POU6F2: variants seen among roughly 807,000 people sequenced by gnomAD.
The protein encoded by POU6F2 is POU domain, class 6, transcription factor 2.
Under a neutral mutation model 71.3 loss-of-function variants are expected in POU6F2, and 31 were observed. That is an observed-to-expected ratio of 0.43 (90% CI 0.33 to 0.59). The LOEUF (loss-of-function observed/expected upper bound fraction) is 0.59. Among genes scored for constraint, POU6F2 ranks in the 20% least tolerant of loss-of-function variants. POU6F2 has a pLI of 0.04. For synonymous variants in POU6F2, 347 were observed against 355.7 expected (o/e 0.98, Z 0.27); for missense variants, 783 against 856.8 (o/e 0.91, Z 1.07).
At chr7:39,398,199 C>A (rs1344693047) in intron 5 of POU6F2, among the ~76,000 whole-genome samples, 1 of 152,030 alleles carries the variant, frequency 6.6e-6, no homozygotes, top group Non-Finnish European at 1.5e-5. Context: ...GGATGCCTGG[C>A]ACTGTTGAAA....
intron 8 of POU6F2, among the ~76,000 whole-genome samples, chr7:39,452,736 A>G (rs1304319453): frequency 6.6e-6 from 1 of 152,264 alleles, no homozygotes; most frequent in East Asian, 1.9e-4. Context: ...CTGATAATTA[A>G]GGCAAGAAAG....
chr7:39,313,510 T>A (rs1785206249), intron 4 of POU6F2, among the ~76,000 whole-genome samples: 1 of 152,192 alleles, frequency 6.6e-6, no homozygotes, highest in Admixed American at 6.5e-5. Context: ...TGTTTTCTTT[T>A]TCTTTATTCC....
intron 4 of POU6F2, among the ~76,000 whole-genome samples, chr7:39,253,774 T>G (rs1783968918): frequency 6.6e-6 from 1 of 152,186 alleles, no homozygotes; most frequent in Non-Finnish European, 1.5e-5. Context: ...AAACTTCTAT[T>G]TTCTTTCTCG....
chr7:39,406,500 G>C (rs1787431680), intron 5 of POU6F2, 100 bp from the exon 6 acceptor site: 2 of 1,418,384 alleles, frequency 1.4e-6, no homozygotes. Context: ...TTGCATGAGC[G>C]AATTGAGGCG....
chr7:39,404,821 T>C (rs1318063503), intron 5 of POU6F2: 1 of 152,100 alleles, frequency 6.6e-6, no homozygotes, highest in Admixed American at 6.5e-5. Context: ...CATTATGAAC[T>C]CTTCTCACTT....
intron 7 of POU6F2, among the ~76,000 whole-genome samples, chr7:39,436,524 C>A (rs763977219): frequency 1.2e-4 from 18 of 144,338 alleles, no homozygotes; most frequent in Non-Finnish European, 2.4e-4. Context: ...GTTTTGGGGC[C>A]GAGACGATGG....
chr7:39,041,686 T>C (rs530922826), intron 1 of POU6F2, among the ~76,000 whole-genome samples: 1 of 151,964 alleles, frequency 6.6e-6, no homozygotes, highest in Non-Finnish European at 1.5e-5. Flanking sequence ...TATTCTTTTT[T>C]ATTTCCATCT....
chr7:38,979,247 G>A (rs952855945), intron 1 of POU6F2, among the ~76,000 whole-genome samples: 24 of 151,980 alleles, frequency 1.6e-4, no homozygotes, highest in Non-Finnish European at 2.4e-4. Flanking sequence ...AGCTGGCAAG[G>A]CAATGACATA....
chr7:39,222,460 C>T (rs573442311), intron 4 of POU6F2, among the ~76,000 whole-genome samples: 22 of 152,226 alleles, frequency 1.4e-4, no homozygotes, highest in African/African-American at 5.3e-4. Flanking sequence ...TTCTGTGGCA[C>T]CAAGTACATT....
chr7:39,188,436 C>G (rs909321043), intron 2 of POU6F2, among the ~76,000 whole-genome samples: 1 of 152,108 alleles, frequency 6.6e-6, no homozygotes, highest in Non-Finnish European at 1.5e-5. Flanking sequence ...CCTCAGCTTC[C>G]CAAGTAGCTG....
intron 2 of POU6F2, among the ~76,000 whole-genome samples, chr7:39,150,207 T>C (rs991628447): frequency 7.0e-6 from 1 of 143,168 alleles, no homozygotes; most frequent in African/African-American, 2.7e-5. Context: ...TTTCCTTTTT[T>C]AAGGCTGAGT....
At chr7:39,024,074 G>C (rs548742797) in intron 1 of POU6F2, among the ~76,000 whole-genome samples, 2 of 152,222 alleles carry the variant, frequency 1.3e-5, no homozygotes, top group East Asian at 3.9e-4. Flanking sequence ...GGATGGCATT[G>C]AATCTATAAA....
Position 39,154,962 on chromosome 7 carries a change from G to A in POU6F2, c.278-49273G>A, listed in dbSNP as rs149382972. On this transcript the variant is annotated intron_variant, in intron 2 of 9. Transcript: ENST00000518318. ...TGCTGATTCATGCTTTCAGGTTGTA[G>A]GACAGTTGGAAATTGTTCAAGAGGG... Among the ~76,000 whole-genome samples, 433 of 152,182 alleles carry A rather than the reference G, an allele frequency of 2.8e-3. 1 individual carries two copies. The highest frequency in any genetic ancestry group is 9.9e-3 in the African/African-American group (410 of 41,508).
At chr7:39,008,547 T>A (rs1292484232) in intron 1 of POU6F2, among the ~76,000 whole-genome samples, 1 of 137,634 alleles carries the variant, frequency 7.3e-6, no homozygotes, top group Admixed American at 7.2e-5. Flanking sequence ...TTTGTCAATT[T>A]TGGCTTTTGT....
At chr7:39,226,080 T>A (rs1321622518) in intron 4 of POU6F2, among the ~76,000 whole-genome samples, 1 of 152,186 alleles carries the variant, frequency 6.6e-6, no homozygotes, top group African/African-American at 2.4e-5. Context: ...TCAGGCATTT[T>A]AAATGAAAAT....
chr7:39,245,163 G>T (rs1296535633), intron 4 of POU6F2, among the ~76,000 whole-genome samples: 2 of 152,224 alleles, frequency 1.3e-5, no homozygotes, highest in Admixed American at 6.5e-5. Context: ...TCACAGAAAT[G>T]AGTATCTTTA....
At chr7:39,230,099 G>A (rs932921561) in intron 4 of POU6F2, among the ~76,000 whole-genome samples, 1 of 152,190 alleles carries the variant, frequency 6.6e-6, no homozygotes, top group Non-Finnish European at 1.5e-5. Flanking sequence ...GAGATGCCCT[G>A]TCCCTTCCAT....
Position 39,030,534 on chromosome 7 carries a change from A to G in POU6F2, c.105+52476A>G, listed in dbSNP as rs1160780467. Among the ~76,000 whole-genome samples, 8 of 129,612 alleles carry G rather than the reference A, an allele frequency of 6.2e-5. 1 individual carries two copies. Among genetic ancestry groups the G allele is most frequent in the Admixed American group, 5.6e-4 (7 of 12,568 alleles). The allele number at this position is 129,612 out of a possible 152,430, so 85.0% of individuals were successfully genotyped here. A position where few individuals can be genotyped will look rare whatever the true frequency, so the allele number is the denominator to read the frequency against. ...TATATATATATATATATATATATAT[A>G]TATATATATACACACACATACATAT... On this transcript the variant is annotated intron_variant, in intron 1 of 9. Transcript: ENST00000518318.
chr7:39,037,964 T>C (rs1790101672), intron 1 of POU6F2, among the ~76,000 whole-genome samples: 1 of 152,034 alleles, frequency 6.6e-6, no homozygotes, highest in African/African-American at 2.4e-5. Context: ...CAAATTCAAA[T>C]ATATAGCAGG....
Sources: gnomAD v4.1 joint callset for allele counts (sites outside exome capture counted in the v4.1 genomes callset) on GRCh38, gnomAD v4.1.1 for gene constraint, MANE v1.5 for transcripts, NCBI Gene and HGNC (gene_info 2026-07-23, HGNC 2026-07-21) for gene names.